SMARCC2: variants seen among roughly 807,000 people sequenced by gnomAD.
SMARCC2 encodes the protein SWI/SNF related BAF chromatin remodeling complex subunit C2.
A neutral mutation model predicts 151.3 loss-of-function variants in SMARCC2; 15 were observed. The ratio of observed to expected loss-of-function variants is 0.10; its 90% CI spans 0.07 to 0.15. The LOEUF (loss-of-function observed/expected upper bound fraction) is 0.15, where lower values mean the gene tolerates loss of function less well. Among genes scored for constraint, SMARCC2 ranks in the 10% least tolerant of loss-of-function variants. The pLI is 1.00. For synonymous variants in SMARCC2, 590 were observed against 609.5 expected (o/e 0.97, Z 0.47); for missense variants, 1,031 against 1,599.7 (o/e 0.64, Z 6.06).
At chr12:56,178,289 G>C in intron 14 of SMARCC2, 115 bp downstream of exon 14, 1 of 1,239,618 alleles carries the variant, frequency 8.1e-7, no homozygotes, top group Non-Finnish European at 1.2e-6. Context: ...GTGTACTCTG[G>C]TCTATTTGGG....
At chr12:56,164,240 G>T in intron 28 of SMARCC2, 63 bp downstream of exon 28, 1 of 1,487,270 alleles carries the variant, frequency 6.7e-7, no homozygotes. Flanking sequence ...CCACCTGCCC[G>T]CTCACCCTCC....
Position 56,165,563 on chromosome 12 carries a change from A to T in SMARCC2, c.2987T>A (p.Leu996Gln), listed in dbSNP as rs1171499681. ...HQQQQQPPPA[L>Q]PPGSQPIPPT... is the part of the protein sequence containing the mutation. ...GGGGATAGGCTGGGAGCCTGGGGGCAGGGCTGGTGGTGGCTGCTGCTGCTG... is the reference window on the plus strand; with the variant it reads ...GGGGATAGGCTGGGAGCCTGGGGGCTGGGCTGGTGGTGGCTGCTGCTGCTG... Residue 996 changes from leucine (L) to glutamine (Q), a missense_variant, in exon 27 of 29, where the codon CTG (leucine) becomes CAG (glutamine). By Grantham distance (113) the Leu-to-Gln change is moderately radical (BLOSUM62 -2). Around this residue, in one of 12 missense-constraint regions of SMARCC2, gnomAD observed 310 missense variants for 350.0 expected, o/e 0.89. Coordinates refer to ENST00000550164, the MANE Select transcript of SMARCC2 (RefSeq NM_001330288.2). 3 of 1,613,164 alleles carry T rather than the reference A, an allele frequency of 1.9e-6. No individual in the cohort carries two copies. The highest frequency in any genetic ancestry group is 2.7e-5 in the African/African-American group (2 of 74,926).
At chr12:56,175,390 T>C (rs567830715) in intron 15 of SMARCC2, among the ~76,000 whole-genome samples, 2 of 152,344 alleles carry the variant, frequency 1.3e-5, no homozygotes, top group South Asian at 4.1e-4. Flanking sequence ...AGGAAGTCCT[T>C]ATTCATGCAT....
At chr12:56,179,174 G>T in intron 11 of SMARCC2, 118 bp from the exon 12 acceptor site, 1 of 792,104 alleles carries the variant, frequency 1.3e-6, no homozygotes, top group Non-Finnish European at 2.1e-6. Context: ...GCAAAATATA[G>T]TAATTCTCTC....
At position 56,187,091 on chromosome 12, in the gene SMARCC2, T is replaced by C. The variant is rs1025439817; in HGVS notation, c.231+96A>G. The C allele has an allele frequency of 5.9e-6, 8 of 1,366,532 alleles. No individual in the cohort carries two copies. The African/African-American group carries it at 8.7e-5, about 15-fold the overall frequency. 84.7% of individuals were successfully genotyped at this position (1,366,532 alleles called of 1,614,324 possible). On this transcript the variant is annotated intron_variant, in intron 2 of 28. Transcript: ENST00000550164. ...TGGAAAATAACCCAAATTTCAAAAA[T>C]TACAAAATTCACAAATCTTTTTTTA...
chr12:56,179,070 G>C lies in SMARCC2; in HGVS notation c.1082-14C>G, dbSNP rs186336285. 2.7e-4 allele frequency: 428 copies of C among 1,613,436 alleles called. 1 individual carries two copies. In the East Asian group the frequency reaches 5.3e-3, roughly 20 times the overall value. Reference sequence around the variant, plus strand: ...TCTTTGTGTTGACTGCGAAAACAGAGAGTCATTTTATCAGACAGATTTTGC... The same window carrying C: ...TCTTTGTGTTGACTGCGAAAACAGACAGTCATTTTATCAGACAGATTTTGC... On this transcript the variant is annotated splice_polypyrimidine_tract_variant and intron_variant, in intron 11 of 28. Transcript: ENST00000550164.
At chr12:56,182,540 G>A (rs565736242) in intron 7 of SMARCC2, among the ~76,000 whole-genome samples, 1 of 151,732 alleles carries the variant, frequency 6.6e-6, no homozygotes, top group South Asian at 2.1e-4. Flanking sequence ...GGCCAGGCTG[G>A]TCTCAAGCTC....
rs1433744635 is a variant in SMARCC2, at chr12:56,162,406, G to A, written c.*1283C>T. ...TATAAAAAAAAAAAAAAGAAAGAAAGAAAAAAAGAGAAAATTTACAGAAAA... is the reference window on the plus strand; with the variant it reads ...TATAAAAAAAAAAAAAAGAAAGAAAAAAAAAAAGAGAAAATTTACAGAAAA... On this transcript the variant is annotated 3_prime_UTR_variant, in exon 29 of 29. Coordinates refer to ENST00000550164, the MANE Select transcript of SMARCC2 (RefSeq NM_001330288.2). 24 of 635,808 alleles carry A rather than the reference G, an allele frequency of 3.8e-5. No individual in the cohort carries two copies. The highest frequency in any genetic ancestry group is 3.6e-5 in the South Asian group (2 of 55,654). 39.4% of individuals were successfully genotyped at this position (635,808 alleles called of 1,614,324 possible).
chr12:56,183,972 G>C (rs767142859), intron 6 of SMARCC2, 42 bp from the exon 7 acceptor site: 10 of 1,463,448 alleles, frequency 6.8e-6, no homozygotes, highest in Non-Finnish European at 9.5e-6. Context: ...AAGCTAAAGG[G>C]GGACACAAAA....
At chr12:56,172,238 A>G in intron 20 of SMARCC2, 190 bp downstream of exon 20, 1 of 559,780 alleles carries the variant, frequency 1.8e-6, no homozygotes, top group Non-Finnish European at 3.1e-6. Flanking sequence ...GTGCCACCAC[A>G]CCTGGCTAAT....
At position 56,178,986 on chromosome 12, in the gene SMARCC2, T is replaced by TGA. The variant is rs762636346; in HGVS notation, c.1141+10_1141+11insTC. ...GCTCTGACTGCCGTGCCCAAGAGGC[T>TGA]CCTGTCTTACCCAGGTCGGTCATGG... On this transcript the variant is annotated intron_variant, in intron 12 of 28. Coordinates refer to ENST00000550164, the MANE Select transcript of SMARCC2 (RefSeq NM_001330288.2). The TGA allele has an allele frequency of 3.7e-6, 6 of 1,613,854 alleles. No homozygotes were observed. The highest frequency in any genetic ancestry group is 5.1e-6 in the Non-Finnish European group (6 of 1,179,854).
At chr12:56,168,342 G>C (rs775725143) in intron 25 of SMARCC2, 148 bp from the exon 26 acceptor site, 31 of 828,970 alleles carry the variant, frequency 3.7e-5, no homozygotes, top group Admixed American at 2.1e-4. Flanking sequence ...TTTTGTGCTG[G>C]GATTATAGGC....
At position 56,168,196 on chromosome 12, in the gene SMARCC2, TA is replaced by T. The variant is rs778570250; in HGVS notation, c.2716-3del. ...CCTTTCCTCAACAGCAGCCAAGTGC[TA>T]GGGAAGGAGGGGCGAGACAGCACAT... On this transcript the variant is annotated splice_polypyrimidine_tract_variant and splice_region_variant and intron_variant, in intron 25 of 28. Transcript: ENST00000550164. 9.3e-6 allele frequency: 15 copies of T among 1,613,778 alleles called. No individual in the cohort carries two copies. The African/African-American group carries it at 1.6e-4, about 17-fold the overall frequency.
chr12:56,185,163 A>G, intron 3 of SMARCC2, 52 bp from the exon 4 acceptor site: 1 of 1,446,134 alleles, frequency 6.9e-7, no homozygotes, highest in Non-Finnish European at 9.7e-7. Context: ...TCTGCAGATG[A>G]GGTGAGGGCA....
intron 27 of SMARCC2, among the ~76,000 whole-genome samples, chr12:56,164,970 T>C (rs186547318): frequency 3.3e-5 from 5 of 152,254 alleles, no homozygotes; most frequent in Admixed American, 3.3e-4. Context: ...GTATTTTTAC[T>C]AGAGACGGGG....
intron 26 of SMARCC2, among the ~76,000 whole-genome samples, chr12:56,166,420 G>A (rs1458569529): frequency 6.6e-6 from 1 of 151,922 alleles, no homozygotes; most frequent in Non-Finnish European, 1.5e-5. Context: ...CAAAGTGCTG[G>A]AATTACAGGT....
chr12:56,187,060 G>A, intron 2 of SMARCC2, 127 bp downstream of exon 2: 1 of 881,298 alleles, frequency 1.1e-6, no homozygotes, highest in Admixed American at 2.5e-5. Flanking sequence ...TCAGGGATAG[G>A]GATGGTGGAA....
chr12:56,177,976 T>C, intron 15 of SMARCC2, 46 bp downstream of exon 15: 3 of 1,288,712 alleles, frequency 2.3e-6, no homozygotes, highest in South Asian at 1.2e-5. Flanking sequence ...AGGGTGAATG[T>C]GGGGACAGGA....
chr12:56,172,003 C>G, intron 20 of SMARCC2, 66 bp from the exon 21 acceptor site: 1 of 1,482,958 alleles, frequency 6.7e-7, no homozygotes, highest in Non-Finnish European at 9.2e-7. Flanking sequence ...TGACTCCCCC[C>G]ATCCTACTAA....
Sources: gnomAD v4.1 joint callset for allele counts (sites outside exome capture counted in the v4.1 genomes callset) on GRCh38, gnomAD v4.1.1 for gene constraint, gnomAD v4.1.1 regional missense constraint, MANE v1.5 for transcripts, NCBI Gene and HGNC (gene_info 2026-07-23, HGNC 2026-07-21) for gene names.